The following DPP10 variants were observed in gnomAD, a reference collection of about 807,000 sequenced individuals.
DPP10 encodes the protein dipeptidyl peptidase like 10.
A neutral mutation model predicts 120.9 loss-of-function variants in DPP10; 33 were observed. The observed-to-expected ratio is 0.27, with a 90% confidence interval of 0.21 to 0.37. The LOEUF (loss-of-function observed/expected upper bound fraction) is 0.37, where lower values mean the gene tolerates loss of function less well. Ranked by LOEUF, DPP10 falls within the 10% of genes least tolerant of loss-of-function variation. The probability of loss-of-function intolerance (pLI) is 1.00; values close to 1 mark genes in which losing one functional copy is unlikely to be tolerated. For synonymous variants in DPP10, 337 were observed against 326.1 expected, an observed-to-expected ratio of 1.03 and a Z score of -0.36; for missense variants, 816 against 942.8, an observed-to-expected ratio of 0.87 and a Z score of 1.76.
intron 5 of DPP10, among the ~76,000 whole-genome samples, chr2:115,553,594 G>A (rs776070944): frequency 2.0e-5 from 3 of 151,916 alleles, no homozygotes; most frequent in Non-Finnish European, 4.4e-5. Flanking sequence ...AAGAAAAAAG[G>A]ATCCTAATTA....
chr2:115,326,089 T>C (rs2062348945), intron 2 of DPP10, among the ~76,000 whole-genome samples: 1 of 152,180 alleles, frequency 6.6e-6, no homozygotes, highest in Non-Finnish European at 1.5e-5. Context: ...CTTACCCACG[T>C]CTACTTCTGT....
Position 115,042,749 on chromosome 2 carries a change from A to G in DPP10, c.61-266490A>G, listed in dbSNP as rs149266263. 9.6e-4 allele frequency among the ~76,000 whole-genome samples: 147 copies of G among 152,344 alleles called. 1 individual carries two copies. In the Middle Eastern group the frequency reaches 0.02, roughly 21 times the overall value. ...CGTTCTCCTCAAGCCATCTTGATCC[A>G]TCAGTTTCAATTCATGCTATAATCT... On this transcript the variant is annotated intron_variant, in intron 1 of 25. Transcript: ENST00000410059.
At chr2:115,403,425 A>G in intron 3 of DPP10, among the ~76,000 whole-genome samples, 1 of 107,448 alleles carries the variant, frequency 9.3e-6, no homozygotes, top group Admixed American at 1.2e-4. Flanking sequence ...TTTGATACAG[A>G]GTCTCACTCT....
intron 1 of DPP10, among the ~76,000 whole-genome samples, chr2:114,546,151 T>C (rs532613288): frequency 1.3e-5 from 2 of 151,880 alleles, no homozygotes; most frequent in South Asian, 2.1e-4. Context: ...TACCTGAGAC[T>C]GAGTAACTTA....
At chr2:114,508,308 A>G (rs1180551341) in intron 1 of DPP10, among the ~76,000 whole-genome samples, 3 of 152,114 alleles carry the variant, frequency 2.0e-5, no homozygotes. Flanking sequence ...TGATCACTAT[A>G]GTTTGGTCAT....
chr2:114,868,094 C>T (rs1303589246), intron 1 of DPP10, among the ~76,000 whole-genome samples: 1 of 152,210 alleles, frequency 6.6e-6, no homozygotes, highest in Non-Finnish European at 1.5e-5. Context: ...AAAGCCAAAT[C>T]ATGGTCAAAA....
intron 1 of DPP10, among the ~76,000 whole-genome samples, chr2:115,303,607 AT>A (rs1178142355): frequency 1.3e-5 from 2 of 151,820 alleles, no homozygotes; most frequent in Non-Finnish European, 1.5e-5. Context: ...AAAATTAATA[AT>A]TTTTTTCTTT....
intron 2 of DPP10, among the ~76,000 whole-genome samples, chr2:115,317,629 T>G (rs1381870247): frequency 1.3e-5 from 2 of 151,386 alleles, no homozygotes; most frequent in Non-Finnish European, 2.9e-5. Flanking sequence ...CACTTGTTCT[T>G]TTCTTTTTTT....
chr2:115,383,484 T>C (rs188052027), intron 3 of DPP10, among the ~76,000 whole-genome samples: 21 of 152,296 alleles, frequency 1.4e-4, no homozygotes, highest in African/African-American at 4.6e-4. Flanking sequence ...AGCATGAAAA[T>C]GGACTAATAG....
At chr2:115,410,857 ACAT>A (rs2068901301) in intron 3 of DPP10, among the ~76,000 whole-genome samples, 1 of 152,200 alleles carries the variant, frequency 6.6e-6, no homozygotes, top group Admixed American at 6.5e-5. Context: ...AGTAATTTAA[ACAT>A]CATTTTAATA....
intron 3 of DPP10, among the ~76,000 whole-genome samples, chr2:115,377,665 C>G (rs2106440772): frequency 6.6e-6 from 1 of 152,204 alleles, no homozygotes; most frequent in Admixed American, 6.5e-5. Context: ...AGGTTTTCTT[C>G]TAGGGTTTTT....
chr2:115,594,331 CAGAA>C (rs2082861506), intron 5 of DPP10, among the ~76,000 whole-genome samples: 1 of 151,992 alleles, frequency 6.6e-6, no homozygotes. Context: ...AGAAATCAGA[CAGAA>C]AGAAATATGC....
Position 114,610,409 on chromosome 2 carries a change from A to G in DPP10, c.60+167571A>G, listed in dbSNP as rs143232263. Among the ~76,000 whole-genome samples the G allele has an allele frequency of 6.6e-4, 100 of 152,278 alleles. 1 individual carries two copies. The East Asian group carries it at 0.018, about 27-fold the overall frequency. ...TTCACTGGGGATCTGATGGGAAGCC[A>G]GGGTTGACACTCAAAAGAATGGACA... On this transcript the variant is annotated intron_variant, in intron 1 of 25. Coordinates refer to ENST00000410059, the MANE Select transcript of DPP10 (RefSeq NM_020868.6).
chr2:115,587,359 A>G (rs2082362636), intron 5 of DPP10, among the ~76,000 whole-genome samples: 1 of 151,904 alleles, frequency 6.6e-6, no homozygotes, highest in Non-Finnish European at 1.5e-5. Flanking sequence ...CGGCCTCCCA[A>G]AGTGAACATT....
At chr2:115,060,398 C>G (rs58157894) in intron 1 of DPP10, among the ~76,000 whole-genome samples, 22,157 of 151,864 alleles carry the variant, frequency 0.15, 1,717 homozygotes, top group African/African-American at 0.21. Context: ...TTTGAGACCA[C>G]CATGGACAAC....
intron 1 of DPP10, among the ~76,000 whole-genome samples, chr2:114,477,872 CAT>C (rs1358148448): frequency 3.7e-5 from 4 of 107,640 alleles, no homozygotes; most frequent in African/African-American, 8.5e-5. Context: ...TATATATGTA[CAT>C]ATATGTGTAT....
intron 1 of DPP10, among the ~76,000 whole-genome samples, chr2:115,277,369 C>T (rs2059961065): frequency 6.8e-6 from 1 of 147,468 alleles, no homozygotes; most frequent in Non-Finnish European, 1.5e-5. Context: ...GAAGACTACA[C>T]TATCTTTTAG....
chr2:115,678,062 A>C (rs1381918263), intron 5 of DPP10, among the ~76,000 whole-genome samples: 1 of 152,236 alleles, frequency 6.6e-6, no homozygotes, highest in East Asian at 1.9e-4. Context: ...AATTATATCA[A>C]GTAAGAGGAA....
intron 5 of DPP10, among the ~76,000 whole-genome samples, chr2:115,684,608 A>G (rs1394931381): frequency 4.6e-5 from 7 of 151,840 alleles, no homozygotes; most frequent in South Asian, 4.1e-4. Context: ...AATGCTATTT[A>G]TATCAATTCG....
Sources: gnomAD v4.1 joint callset for allele counts (sites outside exome capture counted in the v4.1 genomes callset) on GRCh38, gnomAD v4.1.1 for gene constraint, MANE v1.5 for transcripts, NCBI Gene and HGNC (gene_info 2026-07-23, HGNC 2026-07-21) for gene names.